Variants in DOK4 observed in about 807,000 individuals in gnomAD.
The protein encoded by DOK4 is docking protein 4.
DOK4 carries 26 observed loss-of-function variants against 40.1 expected under a neutral mutation model. The ratio of observed to expected loss-of-function variants is 0.65; its 90% CI spans 0.48 to 0.90. The LOEUF (loss-of-function observed/expected upper bound fraction) is 0.90. Among genes scored for constraint, DOK4 ranks in the 40% least tolerant of loss-of-function variants. The pLI is 0.00. For missense variants in DOK4, 392 were observed against 437.2 expected, an observed-to-expected ratio of 0.90 and a Z score of 0.92; for synonymous variants, 179 against 177.0, an observed-to-expected ratio of 1.01 and a Z score of -0.09.
Position 57,479,402 on chromosome 16 carries a change from A to G in DOK4, c.66+40T>C. The G allele has an allele frequency of 1.2e-6, 2 of 1,608,722 alleles. No individual in the cohort carries two copies. Among genetic ancestry groups the G allele is most frequent in the South Asian group, 1.1e-5 (1 of 90,812 alleles). On this transcript the variant is annotated intron_variant, in intron 2 of 8. Transcript: ENST00000340099. This position sits in a 1 kb window ranked among gnomAD's most constrained non-coding sequence, Gnocchi z 5.8. ...CCTGGGACCGAGTCCTCGGGCCCCC[A>G]TCCCTTGGCAGGGCCCCTCCGCAGC...
At chr16:57,473,381 T>C (rs2030966646) in exon 9 of DOK4, 1 of 1,612,930 alleles carries the variant, frequency 6.2e-7, no homozygotes, top group Non-Finnish European at 8.5e-7. Flanking sequence ...CTGTGGTCAC[T>C]GGGATGGGGT....
chr16:57,474,104 G>C (rs2031031008), intron 6 of DOK4, 65 bp from the exon 7 acceptor site: 1 of 1,597,764 alleles, frequency 6.3e-7, no homozygotes, highest in Non-Finnish European at 8.6e-7. Context: ...TGATTAGTTA[G>C]GCTCTCTTGC....
At chr16:57,474,320 C>T (rs1448856233) in intron 6 of DOK4, among the ~76,000 whole-genome samples, 1 of 152,142 alleles carries the variant, frequency 6.6e-6, no homozygotes, top group Non-Finnish European at 1.5e-5. Flanking sequence ...ATGCATTTTC[C>T]CAAACCATTT....
intron 1 of DOK4, among the ~76,000 whole-genome samples, chr16:57,482,111 G>A (rs1040084942): frequency 6.6e-6 from 1 of 151,838 alleles, no homozygotes; most frequent in African/African-American, 2.4e-5. Context: ...TGATCCGCCC[G>A]CCTCGGCCTC....
chr16:57,477,965 T>C (rs373327691), intron 2 of DOK4, among the ~76,000 whole-genome samples: 132 of 152,338 alleles, frequency 8.7e-4, no homozygotes, highest in African/African-American at 2.9e-3. Flanking sequence ...ACAGGTTTGA[T>C]ACTGAGCCCA....
At chr16:57,475,276 G>T in intron 4 of DOK4, 57 bp from the exon 5 acceptor site, 5 of 1,582,500 alleles carry the variant, frequency 3.2e-6, no homozygotes, top group Non-Finnish European at 4.3e-6. Context: ...CACCCCGTCT[G>T]CCCAGCCTGA....
chr16:57,475,814 T>G, intron 3 of DOK4, 36 bp downstream of exon 3: 1 of 1,419,784 alleles, frequency 7.0e-7, no homozygotes, highest in Non-Finnish European at 9.6e-7. Flanking sequence ...CCCACAGCCC[T>G]GCCACTTGGG....
chr16:57,479,479 T>G lies in DOK4; in HGVS notation c.29A>C (p.Lys10Thr). The G allele has an allele frequency of 6.2e-7, 1 of 1,613,820 alleles. No individual in the cohort carries two copies. Among genetic ancestry groups the G allele is most frequent in the South Asian group, 1.1e-5 (1 of 91,072 alleles). The change falls in exon 2 of 9, where the codon AAG (lysine) becomes ACG (threonine). Residue 10 changes from lysine (K) to threonine (T), a missense_variant. Physicochemically the swap from Lys to Thr is moderately conservative, Grantham distance 78. Transcript: ENST00000340099. The surrounding 1 kb of genome is among the most constrained non-coding windows in gnomAD (Gnocchi z 5.8). ...GCTCTTCATCTTCACGTAGCCTTGC[T>G]TGACGATGTCACTGAAATTGGTCGC...
At position 57,475,738 on chromosome 16, in the gene DOK4, C is replaced by G. The variant is rs558882855; in HGVS notation, c.174+112G>C. 6 of 689,102 alleles carry G rather than the reference C, an allele frequency of 8.7e-6. No homozygotes were observed. In the East Asian group the frequency reaches 2.4e-4, roughly 28 times the overall value. 42.7% of individuals were successfully genotyped at this position (689,102 alleles called of 1,614,324 possible). A position where few individuals can be genotyped will look rare whatever the true frequency, so the allele number is the denominator to read the frequency against. On this transcript the variant is annotated intron_variant, in intron 3 of 8. Coordinates refer to ENST00000340099, the Ensembl canonical transcript of DOK4. ...CCCCCTCCTCCTTCTCTCTCCTCCT[C>G]TCCCTCTCTCCCCCTTTCTCCCCTC...
rs1199910985 is a variant in DOK4, at chr16:57,479,432, G to A, written c.66+10C>T. On this transcript the variant is annotated intron_variant, in intron 2 of 8. Coordinates refer to ENST00000340099, the Ensembl canonical transcript of DOK4. This position sits in a 1 kb window ranked among gnomAD's most constrained non-coding sequence, Gnocchi z 5.8. ...TTGGCAGGGCCCCTCCGCAGCTCAGGGTCACTCACCCCGAGCTTCCTGCTC... is the reference window on the plus strand; with the variant it reads ...TTGGCAGGGCCCCTCCGCAGCTCAGAGTCACTCACCCCGAGCTTCCTGCTC... The A allele has an allele frequency of 6.2e-7, 1 of 1,613,344 alleles. No homozygotes were observed. The highest frequency in any genetic ancestry group is 1.1e-5 in the South Asian group (1 of 91,042).
At chr16:57,480,416 T>G (rs1456966160) in intron 1 of DOK4, 2 of 152,258 alleles carry the variant, frequency 1.3e-5, no homozygotes, top group Non-Finnish European at 2.9e-5. Context: ...GAGGGCAGAG[T>G]CCAGTGGGGC....
In DOK4 at chr16:57,479,439, C is replaced by G; in HGVS notation, c.66+3G>C. The G allele has an allele frequency of 6.2e-7, 1 of 1,613,552 alleles. No homozygotes were observed. The stretch of plus-strand genomic sequence containing the variant: ...GGCCCCTCCGCAGCTCAGGGTCACT[C>G]ACCCCGAGCTTCCTGCTCTTCATCT... On this transcript the variant is annotated splice_donor_region_variant and intron_variant, in intron 2 of 8. Coordinates refer to ENST00000340099, the Ensembl canonical transcript of DOK4. This position sits in a 1 kb window ranked among gnomAD's most constrained non-coding sequence, Gnocchi z 5.8.
chr16:57,473,620 G>A lies in DOK4; in HGVS notation c.855C>T (p.Ser285=). ...GGCATGGAAGCGACTCACCAGCATAGCTGGAGGCTTCGGCGATGTTCTGGG... is the reference window on the plus strand; with the variant it reads ...GGCATGGAAGCGACTCACCAGCATAACTGGAGGCTTCGGCGATGTTCTGGG... The change falls in exon 8 of 9, where the codon AGC becomes AGT. Residue 285 remains serine, a synonymous_variant. Coordinates refer to ENST00000340099, the Ensembl canonical transcript of DOK4. The A allele has an allele frequency of 4.3e-6, 7 of 1,614,254 alleles. 1 individual carries two copies. In the East Asian group the frequency reaches 1.6e-4, roughly 36 times the overall value.
chr16:57,482,618 C>A (rs1212217981), intron 1 of DOK4, among the ~76,000 whole-genome samples: 2 of 152,026 alleles, frequency 1.3e-5, no homozygotes, highest in African/African-American at 4.8e-5. Context: ...CCACCCGCCT[C>A]GGCCTTCCAA....
chr16:57,482,965 C>T (rs1015951833), intron 1 of DOK4, among the ~76,000 whole-genome samples: 2 of 152,208 alleles, frequency 1.3e-5, no homozygotes, highest in African/African-American at 4.8e-5. Context: ...TGCGTCTGTC[C>T]ATAGGCCCCA....
At chr16:57,474,950 T>A (rs2031075186) in exon 6 of DOK4, 3 of 1,612,956 alleles carry the variant, frequency 1.9e-6, no homozygotes, top group Non-Finnish European at 2.5e-6. Context: ...ACGTCCAGGT[T>A]GGGGCAGGGC....
rs1359900420 is a variant in DOK4 at position 57,485,849 on chromosome 16, G to A, written c.-182+456C>T. On this transcript the variant is annotated intron_variant, in intron 1 of 8. Coordinates refer to ENST00000340099, the Ensembl canonical transcript of DOK4. The surrounding 1 kb of genome is among the most constrained non-coding windows in gnomAD (Gnocchi z 4.3). ...GAAACCCCATAGGCAGGAGGGGGTC[G>A]GCAGTGGGGGCCAGCTGGGGTACAG... Among the ~76,000 whole-genome samples, 4 of 152,184 alleles carry A rather than the reference G, an allele frequency of 2.6e-5. No individual in the cohort carries two copies. Among genetic ancestry groups the A allele is most frequent in the African/African-American group, 7.2e-5 (3 of 41,452 alleles).
intron 2 of DOK4, among the ~76,000 whole-genome samples, chr16:57,477,511 C>T (rs1328094686): frequency 1.3e-5 from 2 of 152,198 alleles, no homozygotes; most frequent in Non-Finnish European, 2.9e-5. Context: ...TGGATGCTGC[C>T]GACCCAGATA....
In DOK4 at chr16:57,479,682, G is replaced by T. The variant is rs919606125; in HGVS notation, c.-175C>A. ...ATTGTTCTAGCAGCTCCTTCGCCCCGCGCCTGCTGGAAATAAAAATGACAG... is the reference window on the plus strand; with the variant it reads ...ATTGTTCTAGCAGCTCCTTCGCCCCTCGCCTGCTGGAAATAAAAATGACAG... On this transcript the variant is annotated 5_prime_UTR_variant, in exon 2 of 9. Coordinates refer to ENST00000340099, the Ensembl canonical transcript of DOK4. The surrounding 1 kb of genome is among the most constrained non-coding windows in gnomAD (Gnocchi z 5.8). The T allele has an allele frequency of 1.8e-5, 10 of 563,566 alleles. No individual in the cohort carries two copies. In the East Asian group the frequency reaches 2.8e-4, roughly 16 times the overall value. 34.9% of individuals were successfully genotyped at this position (563,566 alleles called of 1,614,324 possible). A position where few individuals can be genotyped will look rare whatever the true frequency, so the allele number is the denominator to read the frequency against.
Sources: allele counts gnomAD v4.1 joint callset (sites outside exome capture counted in the v4.1 genomes callset), GRCh38; gene constraint gnomAD v4.1.1; non-coding constraint Gnocchi (gnomAD v3.1); transcripts MANE v1.5; gene names NCBI Gene and HGNC (gene_info 2026-07-23, HGNC 2026-07-21).